ATXN10: variants seen among roughly 807,000 people sequenced by gnomAD.
The protein encoded by ATXN10 is ataxin-10.
A neutral mutation model predicts 52.9 loss-of-function variants in ATXN10; 28 were observed. The observed-to-expected ratio is 0.53, with a 90% confidence interval of 0.39 to 0.73. The LOEUF is 0.73. Ranked by LOEUF, ATXN10 falls within the 30% of genes least tolerant of loss-of-function variation. ATXN10 has a pLI of 0.00. For missense variants in ATXN10, 565 were observed against 577.0 expected, an observed-to-expected ratio of 0.98 and a Z score of 0.21; for synonymous variants, 226 against 221.5, an observed-to-expected ratio of 1.02 and a Z score of -0.18.
chr22:45,839,114 G>GA (rs771564889), intron 10 of ATXN10, among the ~76,000 whole-genome samples: 1 of 152,252 alleles, frequency 6.6e-6, no homozygotes, highest in Non-Finnish European at 1.5e-5. Context: ...ATATTTAAAT[G>GA]AAAAGTGTGG....
At chr22:45,723,436 G>A (rs180783621) in intron 6 of ATXN10, among the ~76,000 whole-genome samples, 1 of 151,966 alleles carries the variant, frequency 6.6e-6, no homozygotes, top group Non-Finnish European at 1.5e-5. Context: ...TGGATGGGTT[G>A]TATAGTGGTG....
intron 1 of ATXN10, chr22:45,689,392 G>A (rs937490589): frequency 2.6e-6 from 1 of 386,338 alleles, no homozygotes; most frequent in South Asian, 2.3e-5. Flanking sequence ...GTCTCTGCCA[G>A]TTACTGGCTG....
In ATXN10 at chr22:45,843,894, C is replaced by G; in HGVS notation, c.*223C>G. ...GTAACTGTGTGGTTTGCCTTTGTCC[C>G]CCTGGATAGAACGTGCATTTAAAGA... On this transcript the variant is annotated 3_prime_UTR_variant, in exon 12 of 12. Transcript: ENST00000252934. The surrounding 1 kb of genome is among the most constrained non-coding windows in gnomAD (Gnocchi z 4.5). 8 of 594,026 alleles carry G rather than the reference C, an allele frequency of 1.3e-5. No individual in the cohort carries two copies. The South Asian group carries it at 1.6e-4, about 12-fold the overall frequency. The allele number at this position is 594,026 out of a possible 1,614,324, so 36.8% of individuals were successfully genotyped here.
intron 1 of ATXN10, 139 bp from the exon 2 acceptor site, chr22:45,689,573 G>C: frequency 1.6e-6 from 1 of 643,094 alleles, no homozygotes; most frequent in Non-Finnish European, 2.7e-6. Flanking sequence ...TCTTTTATTT[G>C]GTGTTGTAAA....
intron 5 of ATXN10, among the ~76,000 whole-genome samples, chr22:45,704,322 AC>A (rs1923956481): frequency 6.6e-6 from 1 of 151,736 alleles, no homozygotes; most frequent in East Asian, 1.9e-4. Flanking sequence ...AAAAAAAAAA[AC>A]AGCTGGAATT....
Position 45,712,291 on chromosome 22 carries a change from A to T in ATXN10, c.648-6122A>T, listed in dbSNP as rs1256393077. ...GTTATCCAAGGAAGGAAAAAAGGGG[A>T]TGCTGAACAGGGGAAAAAGTGGCAG... On this transcript the variant is annotated intron_variant, in intron 5 of 11. Coordinates refer to ENST00000252934, the MANE Select transcript of ATXN10 (RefSeq NM_013236.4). This position sits in a 1 kb window ranked among gnomAD's most constrained non-coding sequence, Gnocchi z 4.6. Among the ~76,000 whole-genome samples the T allele has an allele frequency of 1.3e-5, 2 of 152,204 alleles. No individual in the cohort carries two copies. Among genetic ancestry groups the T allele is most frequent in the Non-Finnish European group, 2.9e-5 (2 of 68,030 alleles).
chr22:45,773,484 T>G (rs135988), intron 9 of ATXN10, among the ~76,000 whole-genome samples: 130,781 of 151,658 alleles, frequency 0.86, 56,547 homozygotes, highest in African/African-American at 0.92. Context: ...TTGAGATAGG[T>G]GTCTCGCTCT....
chr22:45,717,345 G>A (rs1051744937), intron 5 of ATXN10, among the ~76,000 whole-genome samples: 6 of 152,064 alleles, frequency 3.9e-5, no homozygotes, highest in Admixed American at 1.3e-4. Flanking sequence ...GGAATATTGC[G>A]TTTTTGCTAT....
chr22:45,803,281 C>T (rs569746239), intron 9 of ATXN10, among the ~76,000 whole-genome samples: 2 of 152,314 alleles, frequency 1.3e-5, no homozygotes, highest in South Asian at 4.1e-4. Flanking sequence ...CCCTATGCCG[C>T]ACTGCCTCCC....
chr22:45,792,777 C>T (rs1359829496), intron 9 of ATXN10: 2 of 498,688 alleles, frequency 4.0e-6, no homozygotes, highest in South Asian at 1.6e-5. Context: ...AATCGTCAAC[C>T]TCCAATCCAA....
chr22:45,679,761 A>G (rs1460585991), intron 1 of ATXN10: 1 of 152,068 alleles, frequency 6.6e-6, no homozygotes, highest in East Asian at 1.9e-4. Flanking sequence ...AATTTCCTTT[A>G]TTTTTACCTA....
chr22:45,686,320 G>T (rs1477711578), intron 1 of ATXN10, among the ~76,000 whole-genome samples: 1 of 152,152 alleles, frequency 6.6e-6, no homozygotes, highest in East Asian at 1.9e-4. Context: ...TGCCAATTCT[G>T]GGCCCTAGAG....
intron 10 of ATXN10, among the ~76,000 whole-genome samples, chr22:45,832,347 G>T (rs559314383): frequency 6.6e-6 from 1 of 152,118 alleles, no homozygotes; most frequent in Non-Finnish European, 1.5e-5. Context: ...ATGTGGAGGC[G>T]CTGTGTGGCC....
At position 45,759,509 on chromosome 22, in the gene ATXN10, A is replaced by G. The variant is rs1926301569; in HGVS notation, c.1173+18971A>G. 6.6e-6 allele frequency among the ~76,000 whole-genome samples: 1 copy of G among 152,156 alleles called. No homozygotes were observed. Among genetic ancestry groups the G allele is most frequent in the Admixed American group, 6.5e-5 (1 of 15,270 alleles). On this transcript the variant is annotated intron_variant, in intron 9 of 11. Coordinates refer to ENST00000252934, the MANE Select transcript of ATXN10 (RefSeq NM_013236.4). This position sits in a 1 kb window ranked among gnomAD's most constrained non-coding sequence, Gnocchi z 5.4. ...CCTGGGCAGAGCAAGACTCCGTGTC[A>G]AACAAACAAACAAAAAAGATTCTAG...
intron 6 of ATXN10, among the ~76,000 whole-genome samples, chr22:45,719,696 A>G (rs942081402): frequency 1.9e-4 from 29 of 152,168 alleles, no homozygotes; most frequent in African/African-American, 7.0e-4. Context: ...CTACATGGTG[A>G]TGGTAGACTA....
rs1387053535 is a variant in ATXN10, at chr22:45,708,833, G to A, written c.647+5986G>A. On this transcript the variant is annotated intron_variant, in intron 5 of 11. Coordinates refer to ENST00000252934, the MANE Select transcript of ATXN10 (RefSeq NM_013236.4). The surrounding 1 kb of genome is among the most constrained non-coding windows in gnomAD (Gnocchi z 5.3). ...TTTTTGTATTTTTGGTAGAGATGGGGTTTCATCATGTCAGCCAGCCTGGTC... is the reference window on the plus strand; with the variant it reads ...TTTTTGTATTTTTGGTAGAGATGGGATTTCATCATGTCAGCCAGCCTGGTC... Among the ~76,000 whole-genome samples the A allele has an allele frequency of 6.6e-6, 1 of 152,112 alleles. No individual in the cohort carries two copies. The highest frequency in any genetic ancestry group is 1.5e-5 in the Non-Finnish European group (1 of 68,014).
At position 45,690,934 on chromosome 22, in the gene ATXN10, C is replaced by A. The variant is rs532986704; in HGVS notation, c.308+1031C>A. On this transcript the variant is annotated intron_variant, in intron 2 of 11. Transcript: ENST00000252934. The surrounding 1 kb of genome is among the most constrained non-coding windows in gnomAD (Gnocchi z 4.5). ...AGACAGAGCCTCCAGGCTTCCCTGT[C>A]ACCACTGTGACGGGTAAGCTTGGGC... Among the ~76,000 whole-genome samples, 2 of 152,310 alleles carry A rather than the reference C, an allele frequency of 1.3e-5. No individual in the cohort carries two copies. Among genetic ancestry groups the A allele is most frequent in the African/African-American group, 4.8e-5 (2 of 41,570 alleles).
intron 9 of ATXN10, among the ~76,000 whole-genome samples, chr22:45,765,109 G>A (rs896363962): frequency 1.3e-4 from 20 of 152,312 alleles, no homozygotes; most frequent in African/African-American, 3.1e-4. Context: ...GGAAAGCAGC[G>A]TGAAGTATGC....
At chr22:45,699,077 C>T (rs1341911955) in intron 3 of ATXN10, among the ~76,000 whole-genome samples, 1 of 152,036 alleles carries the variant, frequency 6.6e-6, no homozygotes, top group East Asian at 1.9e-4. Context: ...ATATTATGCC[C>T]ATCAAATTTT....
Sources: gnomAD v4.1 joint callset for allele counts (sites outside exome capture counted in the v4.1 genomes callset) on GRCh38, gnomAD v4.1.1 for gene constraint, Gnocchi (gnomAD v3.1) non-coding constraint, MANE v1.5 for transcripts, NCBI Gene and HGNC (gene_info 2026-07-23, HGNC 2026-07-21) for gene names.